Variants in CRTC2 observed in about 807,000 individuals in gnomAD.
CRTC2 encodes the protein CREB-regulated transcription coactivator 2.
CRTC2 carries 25 observed loss-of-function variants against 70.9 expected under a neutral mutation model. The observed-to-expected ratio is 0.35, with a 90% CI of 0.26 to 0.49. The LOEUF is 0.49. CRTC2 is among the 20% of genes least tolerant of loss of function. The probability of loss-of-function intolerance (pLI) is 0.98; values close to 1 mark genes in which losing one functional copy is unlikely to be tolerated. For missense variants in CRTC2, 737 were observed against 882.6 expected, an observed-to-expected ratio of 0.83 and a Z score of 2.09; for synonymous variants, 330 against 364.1, an observed-to-expected ratio of 0.91 and a Z score of 1.07.
chr1:153,949,532 T>A (rs1680212212), intron 11 of CRTC2, 148 bp from the exon 12 acceptor site: 2 of 824,966 alleles, frequency 2.4e-6, no homozygotes, highest in East Asian at 2.8e-5. Context: ...TGGGGTTGAG[T>A]GCAGTTACTC....
chr1:153,958,035 G>A (rs907434358), intron 1 of CRTC2: 8 of 1,256,494 alleles, frequency 6.4e-6, no homozygotes, highest in Non-Finnish European at 8.1e-6. Context: ...AGGGGACTCC[G>A]TCAGGGATGC....
chr1:153,948,006 G>A lies in CRTC2; in HGVS notation c.*103C>T, dbSNP rs1680102917. On this transcript the variant is annotated 3_prime_UTR_variant, in exon 14 of 14. Coordinates refer to ENST00000368633, the MANE Select transcript of CRTC2 (RefSeq NM_181715.3). The stretch of plus-strand genomic sequence containing the variant: ...GCATCCTTCATTCATGCTAGAAAGA[G>A]GATCTGGGGACAGAGAGTAGAGTCT... The A allele has an allele frequency of 9.0e-6, 10 of 1,116,598 alleles. No individual in the cohort carries two copies. 69.2% of individuals were successfully genotyped at this position (1,116,598 alleles called of 1,614,324 possible).
Position 153,954,886 on chromosome 1 carries a change from C to G in CRTC2, c.359G>C (p.Arg120Pro), listed in dbSNP as rs767142882. ...DPRRMVSPLRRYTRHIDSSPY... is the reference protein window; with the variant it reads ...DPRRMVSPLRPYTRHIDSSPY... ...TGTGAAGGATATGTGGCGGGTGTAT[C>G]GGCGAAGTGGGGACACCATTCTTCG... Residue 120 changes from arginine (R) to proline (P), a missense_variant, in exon 3 of 14, where the codon CGA becomes CCA. By Grantham distance (103) the Arg-to-Pro change is moderately radical. Transcript: ENST00000368633. The G allele has an allele frequency of 6.2e-7, 1 of 1,612,992 alleles. No homozygotes were observed.
rs374333862 is a variant in CRTC2, at chr1:153,954,878, G to A, written c.367C>T (p.Arg123Cys). The A allele has an allele frequency of 3.1e-6, 5 of 1,612,454 alleles. No homozygotes were observed. Among genetic ancestry groups the A allele is most frequent in the African/African-American group, 1.3e-5 (1 of 74,870 alleles). ...RMVSPLRRYT[R>C]HIDSSPYSPA... is the part of the protein sequence containing the mutation. ...AAGTCCCCTGTGAAGGATATGTGGC[G>A]GGTGTATCGGCGAAGTGGGGACACC... The change falls in exon 3 of 14, where the codon CGC becomes TGC. Residue 123 changes from arginine (R) to cysteine (C), a missense_variant. By Grantham distance (180) the Arg-to-Cys change is radical (BLOSUM62 -3). Coordinates refer to ENST00000368633, the MANE Select transcript of CRTC2 (RefSeq NM_181715.3).
rs993266769 is a variant in CRTC2, at chr1:153,954,192, G to T, written c.434+63C>A. 2.3e-6 allele frequency: 3 copies of T among 1,291,786 alleles called. No individual in the cohort carries two copies. The African/African-American group carries it at 4.4e-5, about 19-fold the overall frequency. 80.0% of individuals were successfully genotyped at this position (1,291,786 alleles called of 1,614,324 possible). ...TAATCCCAGCCCCAACCCAGAAGGG[G>T]CAACTCCTTCCAGAAACACGTCAGA... On this transcript the variant is annotated intron_variant, in intron 4 of 13. Transcript: ENST00000368633.
At chr1:153,953,154 G>T in intron 6 of CRTC2, 112 bp downstream of exon 6, 4 of 622,818 alleles carry the variant, frequency 6.4e-6, no homozygotes, top group Non-Finnish European at 1.0e-5. Flanking sequence ...CTGCACTCCA[G>T]CCTAGGCGAC....
At chr1:153,953,865 T>C (rs1017631771) in intron 4 of CRTC2, among the ~76,000 whole-genome samples, 4 of 152,110 alleles carry the variant, frequency 2.6e-5, no homozygotes, top group Non-Finnish European at 5.9e-5. Flanking sequence ...GTATGAGCAT[T>C]GAAAGTGAGA....
chr1:153,953,644 G>C (rs148396247), intron 4 of CRTC2, 38 bp from the exon 5 acceptor site: 1 of 1,503,952 alleles, frequency 6.6e-7, no homozygotes, highest in Admixed American at 1.8e-5. Context: ...AGGAAGGCTG[G>C]CAGTGGACAA....
At position 153,954,837 on chromosome 1, in the gene CRTC2, C is replaced by T. The variant is rs1455261468; in HGVS notation, c.372+36G>A. On this transcript the variant is annotated intron_variant, in intron 3 of 13. Transcript: ENST00000368633. ...GTCCCTGAGGAACCCCATCCCACTA[C>T]CTTTCAGACACTCCCAAGTCCCCTG... The T allele has an allele frequency of 1.3e-5, 20 of 1,577,314 alleles. No homozygotes were observed. The Admixed American group carries it at 3.3e-4, about 26-fold the overall frequency.
rs1314326377 is a variant in CRTC2, at chr1:153,951,305, T to C, written c.1359A>G (p.Lys453=). The change falls in exon 11 of 14, where the codon AAA becomes AAG. Residue 453 remains lysine (K), a synonymous_variant. Coordinates refer to ENST00000368633, the MANE Select transcript of CRTC2 (RefSeq NM_181715.3). Reference sequence around the variant, plus strand: ...TGGGTGACATTGTTGGCGAAAACTGTTTGGGCAGCTGCTGTTGGGACCTTC... The same window carrying C: ...TGGGTGACATTGTTGGCGAAAACTGCTTGGGCAGCTGCTGTTGGGACCTTC... The part of the protein sequence containing the change: ...DARRSQQQLP[K]QFSPTMSPTL... The C allele has an allele frequency of 6.2e-7, 1 of 1,613,852 alleles. No homozygotes were observed. Among genetic ancestry groups the C allele is most frequent in the Non-Finnish European group, 8.5e-7 (1 of 1,179,946 alleles).
intron 11 of CRTC2, among the ~76,000 whole-genome samples, chr1:153,950,748 T>C (rs982074343): frequency 1.9e-4 from 29 of 152,034 alleles, no homozygotes; most frequent in Non-Finnish European, 1.2e-4. Flanking sequence ...CAGTAGGAAA[T>C]TGACTGATTC....
rs1287871583 is a variant in CRTC2 at position 153,952,232 on chromosome 1, A to G, written c.783T>C (p.Asn261=). The G allele has an allele frequency of 1.9e-6, 3 of 1,610,726 alleles. No individual in the cohort carries two copies. The East Asian group carries it at 6.7e-5, about 36-fold the overall frequency. Residue 261 remains asparagine (N), a synonymous_variant, in exon 10 of 14, where the codon AAT becomes AAC. Transcript: ENST00000368633. ...TCATGGCAGGTGGGAGGACAGGCAC[A>G]TTGGCAGGCTGGTCAGGAGATGGAA... is the stretch of plus-strand genomic sequence containing the variant. ...NIFPSPDQPA[N]VPVLPPAMNT...
intron 6 of CRTC2, 71 bp from the exon 7 acceptor site, chr1:153,952,905 C>T (rs527373101): frequency 7.6e-6 from 12 of 1,573,536 alleles, no homozygotes; most frequent in South Asian, 5.5e-5. Flanking sequence ...CCATGGAGGC[C>T]GGGTATGGTG....
intron 1 of CRTC2, 107 bp downstream of exon 1, chr1:153,958,238 T>C (rs1680742376): frequency 6.7e-7 from 1 of 1,485,868 alleles, no homozygotes. Context: ...CCGCGTCCCC[T>C]GCTCTGTTCC....
rs770019271 is a variant in CRTC2 at position 153,949,312 on chromosome 1, G to C, written c.1477C>G (p.Leu493Val). Reference sequence around the variant, plus strand: ...GTGTGGGGCTGGGTAGGCAGAACCAGACTTGGGGAGCTGTATGGGTATGGG... The same window carrying C: ...GTGTGGGGCTGGGTAGGCAGAACCACACTTGGGGAGCTGTATGGGTATGGG... ...LPPYPYSSPSLVLPTQPHTPK... is the reference protein window; with the variant it reads ...LPPYPYSSPSVVLPTQPHTPK... The change falls in exon 12 of 14, where the codon CTG (leucine) becomes GTG (valine). Residue 493 changes from leucine (L) to valine (V), a missense_variant. Physicochemically the swap from Leu to Val is conservative, Grantham distance 32. Around this residue, in one of 3 missense-constraint regions of CRTC2, gnomAD observed 699 missense variants for 823.7 expected, o/e 0.85. Coordinates refer to ENST00000368633, the MANE Select transcript of CRTC2 (RefSeq NM_181715.3). 8 of 1,613,924 alleles carry C rather than the reference G, an allele frequency of 5.0e-6. No individual in the cohort carries two copies. Among genetic ancestry groups the C allele is most frequent in the Admixed American group, 1.7e-5 (1 of 59,992 alleles).
In CRTC2 at chr1:153,958,588, C is replaced by T. The variant is rs1680769698; in HGVS notation, c.-91G>A. On this transcript the variant is annotated 5_prime_UTR_variant, in exon 1 of 14. Transcript: ENST00000368633. ...CCGGCTCCTCCAGCCGTAGCCACCG[C>T]CGCCTCAGCGAGCACCGCGAACCCG... 1.5e-6 allele frequency: 2 copies of T among 1,328,356 alleles called. No homozygotes were observed. The highest frequency in any genetic ancestry group is 5.2e-5 in the Admixed American group (2 of 38,158). The allele number at this position is 1,328,356 out of a possible 1,614,324, so 82.3% of individuals were successfully genotyped here. A position where few individuals can be genotyped will look rare whatever the true frequency, so the allele number is the denominator to read the frequency against.
At chr1:153,951,066 T>C (rs1680288571) in intron 11 of CRTC2, among the ~76,000 whole-genome samples, 194 bp downstream of exon 11, 1 of 152,168 alleles carries the variant, frequency 6.6e-6, no homozygotes, top group Non-Finnish European at 1.5e-5. Flanking sequence ...TAAAAAAGCT[T>C]AACCACAGCG....
rs750790359 is a variant in CRTC2 at position 153,951,479 on chromosome 1, C to T, written c.1185G>A (p.Pro395=). ...TSLGHPSLSA[P]ALSSSSSSSS... The stretch of plus-strand genomic sequence containing the variant: ...AGGAGGAAGAGGAGGAGGAGAGAGC[C>T]GGAGCACTGAGTGAGGGGTGGCCCA... Residue 395 remains proline, a synonymous_variant, in exon 11 of 14, where the codon CCG becomes CCA. Coordinates refer to ENST00000368633, the MANE Select transcript of CRTC2 (RefSeq NM_181715.3). The T allele has an allele frequency of 1.5e-5, 24 of 1,599,450 alleles. No individual in the cohort carries two copies. The East Asian group carries it at 2.2e-4, about 15-fold the overall frequency.
At position 153,948,042 on chromosome 1, in the gene CRTC2, G is replaced by A. The variant is rs1680104491; in HGVS notation, c.*67C>T. The A allele has an allele frequency of 2.1e-6, 3 of 1,452,242 alleles. No individual in the cohort carries two copies. Among genetic ancestry groups the A allele is most frequent in the Non-Finnish European group, 2.9e-6 (3 of 1,040,072 alleles). The allele number at this position is 1,452,242 out of a possible 1,614,324, so 90.0% of individuals were successfully genotyped here. A position where few individuals can be genotyped will look rare whatever the true frequency, so the allele number is the denominator to read the frequency against. On this transcript the variant is annotated 3_prime_UTR_variant, in exon 14 of 14. Coordinates refer to ENST00000368633, the MANE Select transcript of CRTC2 (RefSeq NM_181715.3). ...CAGAGAGTAGAGTCTCTACCTGCCA[G>A]GGGGAAGGGAGGAAAGGAATGGTGG... is the stretch of plus-strand genomic sequence containing the variant.
Sources: gnomAD v4.1 joint callset for allele counts (sites outside exome capture counted in the v4.1 genomes callset) on GRCh38, gnomAD v4.1.1 for gene constraint, gnomAD v4.1.1 regional missense constraint, MANE v1.5 for transcripts, NCBI Gene and HGNC (gene_info 2026-07-23, HGNC 2026-07-21) for gene names.